ATP13A4: variants seen among roughly 807,000 people sequenced by gnomAD.
ATP13A4 encodes ATPase 13A4.
A neutral mutation model predicts 142.5 loss-of-function variants in ATP13A4; 114 were observed. That is an observed-to-expected ratio of 0.80 (90% CI 0.69 to 0.93). The LOEUF (loss-of-function observed/expected upper bound fraction) is 0.93. Among genes scored for constraint, ATP13A4 ranks in the 40% least tolerant of loss-of-function variants. ATP13A4 has a pLI of 0.00. For synonymous variants in ATP13A4, 488 were observed against 514.8 expected (o/e 0.95, Z 0.70); for missense variants, 1,392 against 1,454.0 (o/e 0.96, Z 0.69).
chr3:193,402,738 G>T lies in ATP13A4; in HGVS notation c.3505C>A (p.Gln1169Lys). The T allele has an allele frequency of 6.3e-7, 1 of 1,594,676 alleles. No individual in the cohort carries two copies. The highest frequency in any genetic ancestry group is 8.6e-7 in the Non-Finnish European group (1 of 1,162,358). ...TCCGGCATGTCAGAGTGGGAGGTTT[G>T]GTTTAGCGGGGGCCAACTAGGGTCA... ...ANDPSWPPLN[Q>K]TSHSDMPECG... Residue 1169 changes from glutamine (Q) to lysine (K), a missense_variant, in exon 30 of 30, where the codon CAA becomes AAA. By Grantham distance (53) the Gln-to-Lys change is moderately conservative. Transcript: ENST00000342695.
At chr3:193,464,870 G>A in intron 12 of ATP13A4, 70 bp downstream of exon 12, 1 of 1,527,822 alleles carries the variant, frequency 6.5e-7, no homozygotes, top group Non-Finnish European at 9.0e-7. Flanking sequence ...TTGCAAGGGG[G>A]TAAAAGTAGA....
intron 29 of ATP13A4, among the ~76,000 whole-genome samples, chr3:193,405,477 T>C (rs1340080158): frequency 6.6e-6 from 1 of 152,198 alleles, no homozygotes; most frequent in Non-Finnish European, 1.5e-5. Context: ...TCAGACTTGC[T>C]GGAAATAGGC....
chr3:193,419,125 T>G (rs1014589660), intron 25 of ATP13A4: 1 of 151,006 alleles, frequency 6.6e-6, no homozygotes, highest in African/African-American at 2.5e-5. Context: ...AAGCTGTACG[T>G]TGCATCCCAG....
chr3:193,478,181 C>T lies in ATP13A4; in HGVS notation c.808+5755G>A, dbSNP rs148613448. Among the ~76,000 whole-genome samples, 515 of 151,672 alleles carry T rather than the reference C, an allele frequency of 3.4e-3. 11 individuals are homozygous for T. The highest frequency in any genetic ancestry group is 0.012 in the African/African-American group (496 of 41,316). On this transcript the variant is annotated intron_variant, in intron 8 of 29. Coordinates refer to ENST00000342695, the MANE Select transcript of ATP13A4 (RefSeq NM_032279.4). Reference sequence around the variant, plus strand: ...CTACATCAAAAAGTCTGGTAGAGCACAAATAGACAATCTCAGGTTACACCT... The same window carrying T: ...CTACATCAAAAAGTCTGGTAGAGCATAAATAGACAATCTCAGGTTACACCT...
chr3:193,559,929 G>A (rs550621758), upstream of ATP13A4, among the ~76,000 whole-genome samples: 12 of 152,250 alleles, frequency 7.9e-5, no homozygotes, highest in South Asian at 2.1e-4. Context: ...AAATCCAAAA[G>A]AGATGGTCCC....
chr3:193,404,294 C>T, intron 29 of ATP13A4: 4 of 303,806 alleles, frequency 1.3e-5, no homozygotes, highest in Non-Finnish European at 1.4e-5. Context: ...AACTTTGGTG[C>T]TCTCCATCTC....
chr3:193,492,636 T>G (rs2108665825), intron 5 of ATP13A4, among the ~76,000 whole-genome samples: 1 of 152,216 alleles, frequency 6.6e-6, no homozygotes, highest in South Asian at 2.1e-4. Flanking sequence ...CGCTACTAAT[T>G]CCCATCTGTG....
At chr3:193,508,661 T>C (rs1720980709) in intron 2 of ATP13A4, among the ~76,000 whole-genome samples, 2 of 152,264 alleles carry the variant, frequency 1.3e-5, no homozygotes, top group Middle Eastern at 3.4e-3. Flanking sequence ...TCTCAGAGAT[T>C]TGTGGTGAGA....
rs909753396 is a variant in ATP13A4, at chr3:193,533,374, G to T, written c.61-18503C>A. The stretch of plus-strand genomic sequence containing the variant: ...GAAGGCTTAGAACAGTAGAAAGAAG[G>T]CAGACAGGCTAGAGATTCTAGGAAT... On this transcript the variant is annotated intron_variant, in intron 1 of 29. Coordinates refer to ENST00000342695, the MANE Select transcript of ATP13A4 (RefSeq NM_032279.4). Among the ~76,000 whole-genome samples the T allele has an allele frequency of 3.9e-5, 6 of 152,212 alleles. No individual in the cohort carries two copies. In the South Asian group the frequency reaches 8.3e-4, roughly 21 times the overall value.
intron 1 of ATP13A4, among the ~76,000 whole-genome samples, chr3:193,524,916 C>A (rs1026695398): frequency 1.3e-5 from 2 of 152,172 alleles, no homozygotes; most frequent in Admixed American, 6.6e-5. Context: ...AAAATAGCTA[C>A]CCAGTCAGTC....
intron 7 of ATP13A4, among the ~76,000 whole-genome samples, chr3:193,486,798 A>G (rs192325662): frequency 9.2e-5 from 14 of 152,346 alleles, no homozygotes; most frequent in African/African-American, 3.4e-4. Context: ...TATAAAAATA[A>G]TGAAGAATCT....
At chr3:193,493,255 G>A (rs1170088053) in intron 3 of ATP13A4, 95 bp from the exon 4 acceptor site, 2 of 1,034,698 alleles carry the variant, frequency 1.9e-6, no homozygotes, top group East Asian at 2.4e-5. Flanking sequence ...GAAAAGCAAA[G>A]ATAAAACTCT....
intron 25 of ATP13A4, among the ~76,000 whole-genome samples, chr3:193,424,302 G>T (rs187224815): frequency 1.6e-5 from 2 of 125,924 alleles, no homozygotes; most frequent in Non-Finnish European, 3.4e-5. Context: ...AAACACCAAA[G>T]AAATTTTTCA....
chr3:193,515,659 GA>G (rs1318958378), intron 1 of ATP13A4, among the ~76,000 whole-genome samples: 1 of 152,142 alleles, frequency 6.6e-6, no homozygotes, highest in East Asian at 1.9e-4. Context: ...TACAAGACAA[GA>G]TAAGAGTCTC....
rs745558107 is a variant in ATP13A4 at position 193,573,276 on chromosome 3, C to CTT, written n.291+8430_291+8431insAA. Among the ~76,000 whole-genome samples the CTT allele has an allele frequency of 9.3e-3, 719 of 77,670 alleles. 17 individuals are homozygous for CTT. The highest frequency in any genetic ancestry group is 0.039 in the African/African-American group (600 of 15,496). 51.0% of individuals were successfully genotyped at this position (77,670 alleles called of 152,430 possible). On this transcript the variant is annotated intron_variant and non_coding_transcript_variant, in intron 2 of 3. Coordinates refer to the ATP13A4 transcript ENST00000489140. The stretch of plus-strand genomic sequence containing the variant: ...TACCACAGCCATATATATATATATA[C>CTT]ATATATATATATACACATATATATA...
chr3:193,514,620 T>A (rs1279813082), intron 2 of ATP13A4, 78 bp downstream of exon 2: 2 of 1,568,598 alleles, frequency 1.3e-6, no homozygotes, highest in Non-Finnish European at 1.7e-6. Context: ...CTTGTGCACA[T>A]CTCCCCCCAG....
rs75688437 is a variant in ATP13A4 at position 193,581,097 on chromosome 3, C to T, written n.291+610G>A. ...TGACATGAATATGGGTTGTATTTTC[C>T]GATACATTAGTGAGTAAGAGAAAAG... On this transcript the variant is annotated intron_variant and non_coding_transcript_variant, in intron 2 of 3. Transcript: ENST00000489140. Among the ~76,000 whole-genome samples, 28 of 152,074 alleles carry T rather than the reference C, an allele frequency of 1.8e-4. No homozygotes were observed. In the East Asian group the frequency reaches 4.2e-3, roughly 23 times the overall value.
intron 18 of ATP13A4, among the ~76,000 whole-genome samples, chr3:193,447,361 G>C (rs540575257): frequency 7.9e-5 from 12 of 152,212 alleles, no homozygotes; most frequent in African/African-American, 2.9e-4. Context: ...GGACAGAGAA[G>C]TACAAAAGAG....
chr3:193,573,034 G>T (rs1175637477), intron 2 of ATP13A4, among the ~76,000 whole-genome samples: 17 of 144,118 alleles, frequency 1.2e-4, no homozygotes, highest in Admixed American at 8.3e-4. Context: ...TACTCGGGGT[G>T]GGGGGCAGGG....
Sources: allele counts gnomAD v4.1 joint callset (sites outside exome capture counted in the v4.1 genomes callset), GRCh38; gene constraint gnomAD v4.1.1; transcripts MANE v1.5; gene names NCBI Gene and HGNC (gene_info 2026-07-23, HGNC 2026-07-21).